Variants in TIAM2 observed in about 807,000 individuals in gnomAD.
The protein encoded by TIAM2 is TIAM Rac1 associated GEF 2.
A neutral mutation model predicts 152.9 loss-of-function variants in TIAM2; 80 were observed. The ratio of observed to expected loss-of-function variants is 0.52; its 90% CI spans 0.44 to 0.63. The LOEUF (loss-of-function observed/expected upper bound fraction) is 0.63. TIAM2 is among the 30% of genes least tolerant of loss of function. The pLI, the probability that TIAM2 is intolerant of heterozygous loss-of-function variation, is 0.00. For synonymous variants in TIAM2, 804 were observed against 838.0 expected, an observed-to-expected ratio of 0.96 and a Z score of 0.70; for missense variants, 1,965 against 2,120.1, an observed-to-expected ratio of 0.93 and a Z score of 1.44.
rs983182864 is a variant in TIAM2 at position 155,062,104 on chromosome 6, G to A, written c.-208-28185G>A. Among the ~76,000 whole-genome samples, 14 of 16,532 alleles carry A rather than the reference G, an allele frequency of 8.5e-4. No individual in the cohort carries two copies. The South Asian group carries it at 8.5e-3, about 10-fold the overall frequency. 10.8% of individuals were successfully genotyped at this position (16,532 alleles called of 152,430 possible). On this transcript the variant is annotated intron_variant, in intron 1 of 26. Transcript: ENST00000682666. ...CATCTCGCCCCCCCACCGCCCCCGC[G>A]CACCACCCCCCACTTAGGAAAAGGG...
intron 2 of TIAM2, among the ~76,000 whole-genome samples, chr6:155,107,403 C>T (rs575262863): frequency 2.6e-5 from 4 of 152,302 alleles, no homozygotes; most frequent in African/African-American, 9.6e-5. Context: ...TTGCCTGCGC[C>T]GTTTTACTAA....
chr6:155,021,333 C>G (rs1237215465), intron 1 of TIAM2, among the ~76,000 whole-genome samples: 1 of 152,104 alleles, frequency 6.6e-6, no homozygotes, highest in Non-Finnish European at 1.5e-5. Flanking sequence ...ACGATCTCGG[C>G]TCACCGCAAC....
rs139318681 is a variant in TIAM2 at position 155,026,934 on chromosome 6, T to C, written c.-209+31442T>C. Among the ~76,000 whole-genome samples, 1,119 of 152,314 alleles carry C rather than the reference T, an allele frequency of 7.3e-3. 4 individuals are homozygous for C. Among genetic ancestry groups the C allele is most frequent in the Non-Finnish European group, 0.012 (838 of 68,016 alleles). The stretch of plus-strand genomic sequence containing the variant: ...TGTTCATTTGTTATAGTGCACATCT[T>C]TACCTACTTGAAATGCCACCTTTAT... On this transcript the variant is annotated intron_variant, in intron 1 of 26. Transcript: ENST00000682666.
intron 15 of TIAM2, 29 bp from the exon 16 acceptor site, chr6:155,240,501 A>G (rs991219916): frequency 1.9e-6 from 3 of 1,582,922 alleles, no homozygotes; most frequent in African/African-American, 2.7e-5. Flanking sequence ...AGGCCCGTGC[A>G]TTATTTTCCA....
intron 1 of TIAM2, among the ~76,000 whole-genome samples, chr6:155,014,212 A>C (rs138176868): frequency 6.6e-6 from 1 of 151,996 alleles, no homozygotes; most frequent in South Asian, 2.1e-4. Context: ...TTCTTTGTCT[A>C]TTCTTATTTG....
At chr6:155,219,205 A>C (rs1433166936) in intron 15 of TIAM2, among the ~76,000 whole-genome samples, 1 of 152,192 alleles carries the variant, frequency 6.6e-6, no homozygotes. Context: ...CATGGAGACA[A>C]AGTCTGCTCA....
rs756851032 is a variant in TIAM2 at position 155,137,651 on chromosome 6, T to C, written c.1630+39T>C. ...CACCTGCTGAGGCCACTGGGGATTG[T>C]TTCCGCCAGCCGTGCTCTTTGCCAG... On this transcript the variant is annotated intron_variant, in intron 5 of 26. Coordinates refer to ENST00000682666, the MANE Select transcript of TIAM2 (RefSeq NM_012454.4). 6.6e-6 allele frequency: 10 copies of C among 1,517,004 alleles called. No homozygotes were observed. The South Asian group carries it at 1.3e-4, about 20-fold the overall frequency. 94.0% of individuals were successfully genotyped at this position (1,517,004 alleles called of 1,614,324 possible). A position where few individuals can be genotyped will look rare whatever the true frequency, so the allele number is the denominator to read the frequency against.
At chr6:155,120,854 G>A (rs1562322851) in intron 2 of TIAM2, among the ~76,000 whole-genome samples, 1 of 152,182 alleles carries the variant, frequency 6.6e-6, no homozygotes, top group South Asian at 2.1e-4. Flanking sequence ...CATGCCAAAT[G>A]TCCCTTGGGG....
rs186357602 is a variant in TIAM2 at position 155,041,463 on chromosome 6, A to G, written c.-209+45971A>G. Among the ~76,000 whole-genome samples, 97 of 152,374 alleles carry G rather than the reference A, an allele frequency of 6.4e-4. 1 individual carries two copies. Among genetic ancestry groups the G allele is most frequent in the African/African-American group, 2.2e-3 (92 of 41,596 alleles). On this transcript the variant is annotated intron_variant, in intron 1 of 26. Coordinates refer to ENST00000682666, the MANE Select transcript of TIAM2 (RefSeq NM_012454.4). ...TTTGGCTGGCTTCATACTCACTCCA[A>G]AGAAAAAGAGTGTGGTGGAAAAAGC...
At position 155,256,598 on chromosome 6, in the gene TIAM2, A is replaced by C. The variant is rs771688129; in HGVS notation, c.4583A>C (p.Gln1528Pro). 4.3e-6 allele frequency: 7 copies of C among 1,614,102 alleles called. No homozygotes were observed. The highest frequency in any genetic ancestry group is 5.9e-6 in the Non-Finnish European group (7 of 1,179,946). Residue 1528 changes from glutamine to proline, a missense_variant, in exon 27 of 27, where the codon CAG becomes CCG. Physicochemically the swap from Gln to Pro is moderately conservative, Grantham distance 76. Transcript: ENST00000682666. ...SDEGSLSSGT[Q>P]SSGCPTAEGR... ...GAGGGCAGCTTGAGCAGCGGCACCC[A>C]GAGCAGCGGCTGCCCCACGGCTGAG...
chr6:155,199,356 G>A (rs1454823163), intron 14 of TIAM2, among the ~76,000 whole-genome samples: 3 of 152,172 alleles, frequency 2.0e-5, no homozygotes, highest in Non-Finnish European at 2.9e-5. Context: ...GGGATTACAG[G>A]TGTGAGCCAC....
chr6:155,028,904 T>C (rs574868163), intron 1 of TIAM2, among the ~76,000 whole-genome samples: 2 of 114,294 alleles, frequency 1.7e-5, no homozygotes, highest in East Asian at 4.8e-4. Context: ...ATATACTATC[T>C]ATACTATGTT....
intron 5 of TIAM2, among the ~76,000 whole-genome samples, chr6:155,142,509 T>C (rs547760044): frequency 3.9e-5 from 6 of 152,306 alleles, no homozygotes; most frequent in Non-Finnish European, 5.9e-5. Context: ...TGGAAAGAAT[T>C]TGGACGTGTG....
intron 15 of TIAM2, among the ~76,000 whole-genome samples, chr6:155,217,576 A>G (rs1369452670): frequency 6.6e-6 from 1 of 152,210 alleles, no homozygotes; most frequent in Non-Finnish European, 1.5e-5. Flanking sequence ...CATGAAACCC[A>G]TTTTCTACAA....
At chr6:155,052,171 G>A (rs924150431) in intron 1 of TIAM2, among the ~76,000 whole-genome samples, 2 of 152,010 alleles carry the variant, frequency 1.3e-5, no homozygotes, top group African/African-American at 2.4e-5. Context: ...AAGGGCAGTG[G>A]GAGAAGAATG....
At chr6:155,057,541 C>CTTTTTTTTTTTT (rs71023613) in intron 1 of TIAM2, among the ~76,000 whole-genome samples, 8 of 80,046 alleles carry the variant, frequency 1.0e-4, no homozygotes, top group East Asian at 3.2e-4. Flanking sequence ...CCATAATGTA[C>CTTTTTTTTTTTT]TTTTTTTTTT....
chr6:155,158,243 T>C (rs1583219897), intron 7 of TIAM2, among the ~76,000 whole-genome samples: 2 of 152,296 alleles, frequency 1.3e-5, no homozygotes, highest in African/African-American at 2.4e-5. Flanking sequence ...AAAAAAATCA[T>C]TATTCATTTG....
At chr6:155,169,047 G>A (rs955510520) in intron 9 of TIAM2, 6 of 827,418 alleles carry the variant, frequency 7.3e-6, no homozygotes, top group Non-Finnish European at 1.1e-5. Flanking sequence ...CCAGGCTGGA[G>A]TGCAGTGGCA....
intron 9 of TIAM2, among the ~76,000 whole-genome samples, chr6:155,175,664 C>T (rs1189744256): frequency 1.3e-5 from 2 of 152,156 alleles, no homozygotes; most frequent in Non-Finnish European, 2.9e-5. Context: ...CTTTTGATTT[C>T]GAAGCCCCAA....
Sources: allele counts gnomAD v4.1 joint callset (sites outside exome capture counted in the v4.1 genomes callset), GRCh38; gene constraint gnomAD v4.1.1; transcripts MANE v1.5; gene names NCBI Gene and HGNC (gene_info 2026-07-23, HGNC 2026-07-21).